Variants in NDUFV2 observed in about 807,000 individuals in gnomAD.
NDUFV2 encodes the protein NADH:ubiquinone oxidoreductase core subunit V2.
In NDUFV2, 18 loss-of-function variants were observed where a neutral mutation model predicts 31.6. That is an observed-to-expected ratio of 0.57 (90% CI 0.39 to 0.84). The LOEUF (loss-of-function observed/expected upper bound fraction) is 0.84. NDUFV2 is among the 40% of genes least tolerant of loss of function. NDUFV2 has a pLI of 0.00. For synonymous variants in NDUFV2, 83 were observed against 99.8 expected (o/e 0.83, Z 1.01); for missense variants, 314 against 303.6 (o/e 1.03, Z -0.26).
At chr18:9,106,447 T>C (rs763330249) in intron 1 of NDUFV2, among the ~76,000 whole-genome samples, 15 of 152,342 alleles carry the variant, frequency 9.8e-5, no homozygotes, top group South Asian at 2.1e-4. Flanking sequence ...TGACAGTGTC[T>C]ACTTAGCCAT....
At chr18:9,130,579 TTTCAC>T (rs1300436875) in intron 7 of NDUFV2, among the ~76,000 whole-genome samples, 6 of 152,190 alleles carry the variant, frequency 3.9e-5, no homozygotes, top group African/African-American at 1.4e-4. Flanking sequence ...AACAAGAACT[TTTCAC>T]TTTACTTACC....
intron 4 of NDUFV2, 146 bp downstream of exon 4, chr18:9,119,736 CTT>C (rs1158761165): frequency 5.6e-6 from 4 of 709,864 alleles, no homozygotes; most frequent in Non-Finnish European, 7.4e-6. Flanking sequence ...CTTGAATTGT[CTT>C]TGTGTTTTTG....
intron 1 of NDUFV2, chr18:9,105,084 A>G (rs956791286): frequency 8.2e-7 from 1 of 1,224,256 alleles, no homozygotes; most frequent in Non-Finnish European, 1.1e-6. Flanking sequence ...ATAGCATTCC[A>G]TTGTGAGGAT....
intron 1 of NDUFV2, among the ~76,000 whole-genome samples, chr18:9,108,725 C>T (rs2077854424): frequency 7.3e-6 from 1 of 136,792 alleles, no homozygotes. Context: ...GAGTCTTACT[C>T]TGTTGCCCAG....
At chr18:9,125,519 T>C (rs1353136538) in intron 6 of NDUFV2, among the ~76,000 whole-genome samples, 1 of 151,784 alleles carries the variant, frequency 6.6e-6, no homozygotes, top group Non-Finnish European at 1.5e-5. Context: ...GCAGTCTTTT[T>C]TGTTTTTGAT....
intron 7 of NDUFV2, among the ~76,000 whole-genome samples, chr18:9,132,796 G>A (rs1483468883): frequency 6.6e-6 from 1 of 152,200 alleles, no homozygotes; most frequent in Non-Finnish European, 1.5e-5. Context: ...AAGCACCTGA[G>A]CCTGGGAGGT....
At chr18:9,121,553 G>A (rs1162308527) in intron 4 of NDUFV2, 1 of 152,168 alleles carries the variant, frequency 6.6e-6, no homozygotes, top group Admixed American at 6.5e-5. Flanking sequence ...CCTAATATGA[G>A]AAAGTTAACA....
At chr18:9,102,932 G>C (rs1296804506) in intron 1 of NDUFV2, 135 bp downstream of exon 1, 2 of 902,594 alleles carry the variant, frequency 2.2e-6, no homozygotes, top group Admixed American at 3.2e-5. Context: ...TGCGGCCTTA[G>C]CCCTCTTAGG....
chr18:9,126,159 T>C (rs180998649), intron 6 of NDUFV2, among the ~76,000 whole-genome samples: 17 of 152,346 alleles, frequency 1.1e-4, no homozygotes, highest in African/African-American at 4.1e-4. Context: ...TAGTAGCCTG[T>C]AGATGGGTTT....
chr18:9,122,788 GTACT>G, intron 5 of NDUFV2, 107 bp downstream of exon 5: 1 of 1,040,714 alleles, frequency 9.6e-7, no homozygotes, highest in Non-Finnish European at 1.5e-6. Context: ...TATTGGATCT[GTACT>G]TACCTAGTAA....
At chr18:9,118,820 T>G (rs1030082398) in intron 2 of NDUFV2, among the ~76,000 whole-genome samples, 1 of 146,928 alleles carries the variant, frequency 6.8e-6, no homozygotes, top group African/African-American at 2.5e-5. Context: ...GTGCTGTTTT[T>G]TTTTTTTTTT....
At chr18:9,130,562 A>G (rs1024439425) in intron 7 of NDUFV2, among the ~76,000 whole-genome samples, 5 of 152,250 alleles carry the variant, frequency 3.3e-5, no homozygotes, top group Admixed American at 6.5e-5. Flanking sequence ...TCTTGTCAGC[A>G]TATGAAAACA....
intron 1 of NDUFV2, among the ~76,000 whole-genome samples, chr18:9,111,358 A>G (rs1489859751): frequency 6.6e-6 from 1 of 152,208 alleles, no homozygotes; most frequent in Admixed American, 6.5e-5. Flanking sequence ...AATAATAGCT[A>G]ATGATAGCCA....
intron 7 of NDUFV2, among the ~76,000 whole-genome samples, chr18:9,131,012 A>G (rs565559901): frequency 6.6e-6 from 1 of 152,186 alleles, no homozygotes; most frequent in East Asian, 1.9e-4. Context: ...GTAACTTTTG[A>G]CTCCTCCAAA....
At chr18:9,129,401 ATTTT>A in intron 7 of NDUFV2, among the ~76,000 whole-genome samples, 1 of 152,056 alleles carries the variant, frequency 6.6e-6, no homozygotes, top group East Asian at 1.9e-4. Context: ...TTTTTCACAA[ATTTT>A]TTTGAGTGCC....
At chr18:9,125,594 GTTC>G (rs1472815417) in intron 6 of NDUFV2, among the ~76,000 whole-genome samples, 1 of 151,132 alleles carries the variant, frequency 6.6e-6, no homozygotes, top group African/African-American at 2.4e-5. Context: ...TTCTAAAAAT[GTTC>G]TTAATATCCA....
intron 1 of NDUFV2, among the ~76,000 whole-genome samples, chr18:9,104,447 A>G (rs1169911388): frequency 1.4e-4 from 21 of 152,214 alleles, no homozygotes; most frequent in Admixed American, 1.4e-3. Context: ...CTAAGTAGAT[A>G]AGAGGCTCTT....
At chr18:9,131,942 GA>G (rs1174984977) in intron 7 of NDUFV2, among the ~76,000 whole-genome samples, 1 of 152,150 alleles carries the variant, frequency 6.6e-6, no homozygotes, top group Non-Finnish European at 1.5e-5. Context: ...GTTTACAGAT[GA>G]AAGGGGGGGT....
chr18:9,118,572 G>A (rs1228524369), intron 2 of NDUFV2, among the ~76,000 whole-genome samples: 1 of 151,786 alleles, frequency 6.6e-6, no homozygotes, highest in Non-Finnish European at 1.5e-5. Flanking sequence ...TTCCTCTTTT[G>A]GCTTATGTCC....
Sources: gnomAD v4.1 joint callset for allele counts (sites outside exome capture counted in the v4.1 genomes callset) on GRCh38, gnomAD v4.1.1 for gene constraint, MANE v1.5 for transcripts, NCBI Gene and HGNC (gene_info 2026-07-23, HGNC 2026-07-21) for gene names.